The following APOM variants were observed in gnomAD, a reference collection of about 807,000 sequenced individuals.
The protein encoded by APOM is apolipoprotein M.
Under a neutral mutation model 23.5 loss-of-function variants are expected in APOM, and 24 were observed. The observed-to-expected ratio is 1.02, with a 90% CI of 0.74 to 1.44. The LOEUF (loss-of-function observed/expected upper bound fraction) is 1.44, where lower values mean the gene tolerates loss of function less well. APOM is among the 40% of genes most tolerant of loss of function. The pLI is 0.00. For missense variants in APOM, 200 were observed against 233.2 expected (o/e 0.86, Z 0.93); for synonymous variants, 82 against 84.1 (o/e 0.97, Z 0.14).
At chr6:31,653,866 G>A (rs1346823953), upstream of APOM, among the ~76,000 whole-genome samples, 1 of 152,044 alleles carries the variant, frequency 6.6e-6, no homozygotes, top group Non-Finnish European at 1.5e-5. Context: ...ATAGAGATGG[G>A]GTCTTGCTAT....
At chr6:31,652,561 T>A (rs1173722269), upstream of APOM, 1 of 152,322 alleles carries the variant, frequency 6.6e-6, no homozygotes, top group Non-Finnish European at 1.5e-5. Context: ...AGTGAGTTTC[T>A]GAGGGCGAGT....
chr6:31,656,747 GT>G, intron 2 of APOM, 121 bp downstream of exon 2: 1 of 1,273,678 alleles, frequency 7.9e-7, no homozygotes, highest in Admixed American at 2.5e-5. Flanking sequence ...ACGGAATTCA[GT>G]GGCTGTATTA....
chr6:31,653,713 G>A (rs561406037), upstream of APOM, among the ~76,000 whole-genome samples: 2 of 152,206 alleles, frequency 1.3e-5, no homozygotes, highest in Admixed American at 1.3e-4. Context: ...AGAGGGTCTC[G>A]CTTTGTCGCC....
rs750029554 is a variant in APOM at position 31,657,501 on chromosome 6, A to G, written c.442+23A>G. Reference sequence around the variant, plus strand: ...ACAGTGAGTAGGGATACAAGGCAGGAAGGGTTGGAGGGAAACAAGGGAGGG... The same window carrying G: ...ACAGTGAGTAGGGATACAAGGCAGGGAGGGTTGGAGGGAAACAAGGGAGGG... On this transcript the variant is annotated intron_variant, in intron 4 of 5. Coordinates refer to ENST00000375916, the MANE Select transcript of APOM (RefSeq NM_019101.3). The G allele has an allele frequency of 5.6e-6, 9 of 1,611,498 alleles. No homozygotes were observed. The African/African-American group carries it at 1.2e-4, about 22-fold the overall frequency.
chr6:31,657,566 A>T (rs1446181360), intron 4 of APOM, 59 bp from the exon 5 acceptor site: 1 of 1,594,898 alleles, frequency 6.3e-7, no homozygotes, highest in East Asian at 2.2e-5. Flanking sequence ...ACACCCTCCC[A>T]GGAAGAGCTA....
At position 31,656,525 on chromosome 6, in the gene APOM, C is replaced by A; in HGVS notation, c.168C>A (p.Thr56=). The A allele has an allele frequency of 6.2e-7, 1 of 1,614,154 alleles. No homozygotes were observed. Among genetic ancestry groups the A allele is most frequent in the Non-Finnish European group, 8.5e-7 (1 of 1,180,028 alleles). ...QWYFIAGAAP[T]KEELATFDPV... The stretch of plus-strand genomic sequence containing the variant: ...ACTTTATCGCAGGGGCAGCTCCCAC[C>A]AAGGAGGAGTTGGCAACTTTTGACC... Residue 56 remains threonine, a synonymous_variant, in exon 2 of 6, where the codon ACC becomes ACA. Transcript: ENST00000375916.
chr6:31,653,385 C>T (rs1322204821), upstream of APOM, among the ~76,000 whole-genome samples: 1 of 152,196 alleles, frequency 6.6e-6, no homozygotes, highest in Non-Finnish European at 1.5e-5. Context: ...AACTGCGAGT[C>T]CTCCAGAAAG....
chr6:31,658,142 G>A lies in APOM; in HGVS notation c.*53G>A. 1.3e-6 allele frequency: 2 copies of A among 1,596,800 alleles called. No homozygotes were observed. The highest frequency in any genetic ancestry group is 2.2e-5 in the South Asian group (2 of 90,718). ...GGGTACAATGGGAGCTGAGTTGTTG[G>A]AGGGAGAAGCTGGAGACTTCCAGCT... On this transcript the variant is annotated 3_prime_UTR_variant, in exon 6 of 6. Coordinates refer to ENST00000375916, the MANE Select transcript of APOM (RefSeq NM_019101.3).
upstream of APOM, among the ~76,000 whole-genome samples, chr6:31,653,968 T>TA (rs2151131321): frequency 6.6e-6 from 1 of 152,172 alleles, no homozygotes; most frequent in African/African-American, 2.4e-5. Context: ...AGCTTTTTAT[T>TA]ACAAAAATTT....
rs1800110371 is a variant in APOM, at chr6:31,656,723, A to G, written c.269+97A>G. On this transcript the variant is annotated intron_variant, in intron 2 of 5. Transcript: ENST00000375916. ...AGCTGGCCTCTTAGCTGGTATATCT[A>G]CTATGCTTGGCCCACGGAATTCAGT... 4 of 1,458,330 alleles carry G rather than the reference A, an allele frequency of 2.7e-6. No homozygotes were observed. The African/African-American group carries it at 4.2e-5, about 15-fold the overall frequency. The allele number at this position is 1,458,330 out of a possible 1,614,324, so 90.3% of individuals were successfully genotyped here.
rs1179331308 is a variant in APOM, at chr6:31,657,392, T to TGAA, written c.359_361dup (p.Lys120dup). On this transcript the variant is annotated inframe_insertion, in exon 4 of 6. Transcript: ENST00000375916. ...CCTGCCTTGACAGGCCGCCCTGACA[T>TGAA]GAAGACTGAGCTCTTTTCCAGCTCA... The TGAA allele has an allele frequency of 2.5e-6, 4 of 1,612,954 alleles. No homozygotes were observed. The highest frequency in any genetic ancestry group is 3.4e-6 in the Non-Finnish European group (4 of 1,180,032).
At position 31,657,224 on chromosome 6, in the gene APOM, G is replaced by C; in HGVS notation, c.270-1G>C. On this transcript the variant is annotated splice_acceptor_variant, in intron 2 of 5. Transcript: ENST00000375916. LOFTEE classifies it high-confidence loss of function. The stretch of plus-strand genomic sequence containing the variant: ...CCTCCTTGCCACCACCACCTCTGCA[G>C]GAAAGATGGGCTCTGTGTGCCCCGG... 1 of 1,612,970 alleles carries C rather than the reference G, an allele frequency of 6.2e-7. No homozygotes were observed. Among genetic ancestry groups the C allele is most frequent in the Non-Finnish European group, 8.5e-7 (1 of 1,180,012 alleles).
intron 1 of APOM, 123 bp downstream of exon 1, chr6:31,656,203 A>G (rs1800035148): frequency 1.2e-6 from 1 of 850,834 alleles, no homozygotes; most frequent in Non-Finnish European, 1.8e-6. Context: ...TGTTGTGATA[A>G]TGAAAGCAAG....
At chr6:31,653,003 T>C (rs930421882), upstream of APOM, among the ~76,000 whole-genome samples, 4 of 152,104 alleles carry the variant, frequency 2.6e-5, no homozygotes, top group Admixed American at 6.5e-5. Context: ...AGTTACTCTT[T>C]CAGTAGGCGT....
At position 31,656,731 on chromosome 6, in the gene APOM, T is replaced by G. The variant is rs1041233326; in HGVS notation, c.269+105T>G. The G allele has an allele frequency of 5.7e-5, 80 of 1,401,540 alleles. No individual in the cohort carries two copies. The African/African-American group carries it at 1.1e-3, about 19-fold the overall frequency. 86.8% of individuals were successfully genotyped at this position (1,401,540 alleles called of 1,614,324 possible). On this transcript the variant is annotated intron_variant, in intron 2 of 5. Coordinates refer to ENST00000375916, the MANE Select transcript of APOM (RefSeq NM_019101.3). Reference sequence around the variant, plus strand: ...TCTTAGCTGGTATATCTACTATGCTTGGCCCACGGAATTCAGTGGCTGTAT... The same window carrying G: ...TCTTAGCTGGTATATCTACTATGCTGGGCCCACGGAATTCAGTGGCTGTAT...
intron 5 of APOM, 139 bp from the exon 6 acceptor site, chr6:31,657,925 G>C: frequency 9.7e-7 from 1 of 1,030,366 alleles, no homozygotes; most frequent in Non-Finnish European, 1.5e-6. Context: ...AGGGTCATAC[G>C]TGGAGGGAAA....
chr6:31,653,790 TC>T (rs1385178924), upstream of APOM, among the ~76,000 whole-genome samples: 1 of 152,078 alleles, frequency 6.6e-6, no homozygotes, highest in Non-Finnish European at 1.5e-5. Flanking sequence ...CAACCGATCT[TC>T]CCACCTCAGC....
Position 31,656,782 on chromosome 6 carries a change from C to G in APOM, c.269+156C>G, listed in dbSNP as rs1360341441. On this transcript the variant is annotated intron_variant, in intron 2 of 5. Transcript: ENST00000375916. ...TAATTGCCCTCTGGAGAAAGATGTG[C>G]CTAACCAATGCTTGGTAGCTTGAAA... is the stretch of plus-strand genomic sequence containing the variant. The G allele has an allele frequency of 6.0e-6, 3 of 500,880 alleles. No homozygotes were observed. The African/African-American group carries it at 6.3e-5, about 11-fold the overall frequency. 31.0% of individuals were successfully genotyped at this position (500,880 alleles called of 1,614,324 possible). A position where few individuals can be genotyped will look rare whatever the true frequency, so the allele number is the denominator to read the frequency against.
chr6:31,657,801 T>C (rs1800298382), intron 5 of APOM, 78 bp downstream of exon 5: 1 of 1,309,332 alleles, frequency 7.6e-7, no homozygotes, highest in African/African-American at 1.5e-5. Context: ...GAGGCTCGTG[T>C]GATGTCACCA....
Sources: allele counts gnomAD v4.1 joint callset (sites outside exome capture counted in the v4.1 genomes callset), GRCh38; gene constraint gnomAD v4.1.1; transcripts MANE v1.5; gene names NCBI Gene and HGNC (gene_info 2026-07-23, HGNC 2026-07-21).